ADGRV1: variants seen among roughly 807,000 people sequenced by gnomAD.
ADGRV1 encodes G-protein coupled receptor 98.
A neutral mutation model predicts 596.2 loss-of-function variants in ADGRV1; 359 were observed. The observed-to-expected ratio is 0.60, with a 90% CI of 0.55 to 0.66. The LOEUF (loss-of-function observed/expected upper bound fraction) is 0.66. ADGRV1 is among the 30% of genes least tolerant of loss of function. ADGRV1 has a pLI of 0.00. For synonymous variants in ADGRV1, 2,681 were observed against 2,679.2 expected (o/e 1.00, Z -0.02); for missense variants, 7,274 against 7,575.6 (o/e 0.96, Z 1.48).
chr5:90,810,231 AG>A lies in ADGRV1; in HGVS notation c.14973-1del. On this transcript the variant is annotated splice_acceptor_variant, in intron 73 of 89. Transcript: ENST00000405460. LOFTEE classifies it high-confidence loss of function. ...TTCTTCATGATTTAATTTTTTTCCC[AG>A]ATCAGGTTTCATTGTTGCTGAAATT... 1 of 1,534,894 alleles carries A rather than the reference AG, an allele frequency of 6.5e-7. No homozygotes were observed. Among genetic ancestry groups the A allele is most frequent in the South Asian group, 1.3e-5 (1 of 79,554 alleles).
chr5:91,084,944 C>T (rs1328400202), intron 86 of ADGRV1, among the ~76,000 whole-genome samples: 2 of 152,128 alleles, frequency 1.3e-5, no homozygotes, highest in African/African-American at 2.4e-5. Context: ...ATGGATGAAG[C>T]TGGAAACCAT....
intron 85 of ADGRV1, among the ~76,000 whole-genome samples, chr5:91,070,141 C>G (rs547048697): frequency 3.2e-4 from 49 of 152,278 alleles, no homozygotes; most frequent in African/African-American, 1.2e-3. Flanking sequence ...GATAACAAAA[C>G]TAACTTGGAT....
At chr5:91,105,273 A>C (rs1791756098) in intron 87 of ADGRV1, among the ~76,000 whole-genome samples, 1 of 151,958 alleles carries the variant, frequency 6.6e-6, no homozygotes, top group Non-Finnish European at 1.5e-5. Flanking sequence ...CATCTTGGCT[A>C]TTGCAAATAG....
intron 2 of ADGRV1, 114 bp from the exon 3 acceptor site, chr5:90,617,689 TA>T: frequency 1.2e-6 from 1 of 845,794 alleles, no homozygotes; most frequent in Non-Finnish European, 1.8e-6. Context: ...ACCCTATCTA[TA>T]AACATAAATG....
chr5:91,010,145 G>A (rs10058791), intron 85 of ADGRV1, among the ~76,000 whole-genome samples: 89,693 of 151,862 alleles, frequency 0.59, 27,014 homozygotes, highest in African/African-American at 0.7. Context: ...TAGGAAGTCT[G>A]TGTTAATAGG....
chr5:90,668,529 G>T (rs1187876467), intron 21 of ADGRV1, among the ~76,000 whole-genome samples: 2 of 152,104 alleles, frequency 1.3e-5, no homozygotes, highest in African/African-American at 4.8e-5. Flanking sequence ...CTAGTGAGAT[G>T]AACCTGGTAC....
At chr5:90,916,160 T>C (rs1409428146) in intron 83 of ADGRV1, among the ~76,000 whole-genome samples, 1 of 141,668 alleles carries the variant, frequency 7.1e-6, no homozygotes, top group Non-Finnish European at 1.6e-5. Context: ...AATTATGTTT[T>C]TATGGATTTT....
intron 50 of ADGRV1, among the ~76,000 whole-genome samples, chr5:90,743,793 A>G (rs900855104): frequency 1.3e-5 from 2 of 151,586 alleles, no homozygotes; most frequent in Non-Finnish European, 2.9e-5. Context: ...TTTATGTTCC[A>G]ATGTGTTTAT....
At chr5:90,561,618 T>A (rs1361208252) in intron 1 of ADGRV1, among the ~76,000 whole-genome samples, 4 of 152,206 alleles carry the variant, frequency 2.6e-5, no homozygotes, top group Admixed American at 2.6e-4. Flanking sequence ...TTCAGCATAG[T>A]GGTTAACCTA....
chr5:90,638,151 T>A (rs1487716605), intron 11 of ADGRV1, among the ~76,000 whole-genome samples: 1 of 152,034 alleles, frequency 6.6e-6, no homozygotes, highest in African/African-American at 2.4e-5. Flanking sequence ...TTCAGTGAAT[T>A]TTTACCCTGC....
chr5:90,989,013 A>G (rs1304980639), intron 85 of ADGRV1, among the ~76,000 whole-genome samples: 4 of 151,858 alleles, frequency 2.6e-5, no homozygotes, highest in East Asian at 1.9e-4. Context: ...GTGTATATGT[A>G]CCACATTTTC....
At position 90,802,777 on chromosome 5, in the gene ADGRV1, G is replaced by C. The variant is rs1359424045; in HGVS notation, c.14556G>C (p.Leu4852=). The C allele has an allele frequency of 1.9e-6, 3 of 1,612,880 alleles. No individual in the cohort carries two copies. Among genetic ancestry groups the C allele is most frequent in the Admixed American group, 1.7e-5 (1 of 59,924 alleles). ...TGGGCTCTAATTTCACTTTGCAACT[G>C]GTGACTGTGATGCTTGTCGGTGGAC... ...LSLGSNFTLQ[L]VTVMLVGGRF... is the part of the protein sequence containing the mutation. The change falls in exon 71 of 90, where the codon CTG becomes CTC. Residue 4852 remains leucine (L), a synonymous_variant. Transcript: ENST00000405460.
chr5:90,778,348 G>A, intron 62 of ADGRV1, 79 bp from the exon 63 acceptor site: 1 of 1,218,470 alleles, frequency 8.2e-7, no homozygotes, highest in African/African-American at 1.5e-5. Context: ...TACAAAATCT[G>A]TTGTTATTAT....
intron 87 of ADGRV1, among the ~76,000 whole-genome samples, chr5:91,118,839 C>T (rs1307198786): frequency 6.6e-6 from 1 of 152,014 alleles, no homozygotes; most frequent in East Asian, 1.9e-4. Flanking sequence ...GTCAGGGGCC[C>T]TCTGAACTTG....
intron 21 of ADGRV1, among the ~76,000 whole-genome samples, chr5:90,663,575 T>C (rs1452363613): frequency 6.6e-6 from 1 of 152,176 alleles, no homozygotes; most frequent in African/African-American, 2.4e-5. Context: ...CTGTTCACTC[T>C]GATGGTAGTT....
intron 70 of ADGRV1, among the ~76,000 whole-genome samples, chr5:90,801,631 C>G (rs1384441339): frequency 6.6e-6 from 1 of 151,598 alleles, no homozygotes; most frequent in Non-Finnish European, 1.5e-5. Context: ...ATATTTGAAA[C>G]CATCATGGTA....
intron 65 of ADGRV1, 70 bp downstream of exon 65, chr5:90,781,648 G>C: frequency 1.4e-6 from 2 of 1,452,394 alleles, no homozygotes; most frequent in South Asian, 1.4e-5. Context: ...TTGAATTTCC[G>C]TGTGTAAATT....
chr5:90,804,286 C>T (rs555353566), intron 71 of ADGRV1, among the ~76,000 whole-genome samples: 1 of 152,126 alleles, frequency 6.6e-6, no homozygotes, highest in African/African-American at 2.4e-5. Flanking sequence ...CCTGCAGTCC[C>T]AGCTATTGGG....
chr5:90,985,787 G>A (rs1780441994), intron 85 of ADGRV1, among the ~76,000 whole-genome samples: 1 of 152,062 alleles, frequency 6.6e-6, no homozygotes, highest in South Asian at 2.1e-4. Context: ...TTAGATTGGA[G>A]CAAACTAATA....
Sources: gnomAD v4.1 joint callset for allele counts (sites outside exome capture counted in the v4.1 genomes callset) on GRCh38, gnomAD v4.1.1 for gene constraint, MANE v1.5 for transcripts, NCBI Gene and HGNC (gene_info 2026-07-23, HGNC 2026-07-21) for gene names.